Variants in ARID2 observed in about 807,000 individuals in gnomAD.
ARID2 encodes AT-rich interaction domain 2.
Under a neutral mutation model 184.6 loss-of-function variants are expected in ARID2, and 32 were observed. The observed-to-expected ratio is 0.17, with a 90% CI of 0.13 to 0.23. The LOEUF is 0.23. Among genes scored for constraint, ARID2 ranks in the 10% least tolerant of loss-of-function variants. The pLI, the probability that ARID2 is intolerant of heterozygous loss-of-function variation, is 1.00. For synonymous variants in ARID2, 836 were observed against 772.6 expected (o/e 1.08, Z -1.36); for missense variants, 1,696 against 2,197.6 (o/e 0.77, Z 4.56).
intron 4 of ARID2, among the ~76,000 whole-genome samples, chr12:45,813,159 C>T (rs1942741871): frequency 6.6e-6 from 1 of 152,032 alleles, no homozygotes; most frequent in African/African-American, 2.4e-5. Context: ...TGAACAGTTA[C>T]ATTTTATGTG....
chr12:45,774,505 C>T (rs1188459977), intron 3 of ARID2, among the ~76,000 whole-genome samples: 1 of 152,002 alleles, frequency 6.6e-6, no homozygotes, highest in Non-Finnish European at 1.5e-5. Context: ...TCTTTTTCCC[C>T]TTTATGTGTA....
intron 3 of ARID2, among the ~76,000 whole-genome samples, chr12:45,801,679 C>T (rs1942504539): frequency 6.6e-6 from 1 of 152,080 alleles, no homozygotes. Context: ...ACCCGAATTG[C>T]AGGACATTCT....
rs1943229013 is a variant in ARID2, at chr12:45,836,826, A to G, written c.858A>G (p.Val286=). ...TTAACGATATTGAAGGACAGCGGGTACTTCAGATTGCAGTGATTTTGAGAA... is the reference window on the plus strand; with the variant it reads ...TTAACGATATTGAAGGACAGCGGGTGCTTCAGATTGCAGTGATTTTGAGAA... The part of the protein sequence containing the change: ...LGINDIEGQR[V]LQIAVILRNL... Residue 286 remains valine, a synonymous_variant, in exon 8 of 21, where the codon GTA becomes GTG. Coordinates refer to ENST00000334344, the MANE Select transcript of ARID2 (RefSeq NM_152641.4). 6.2e-7 allele frequency: 1 copy of G among 1,614,160 alleles called. No homozygotes were observed. Among genetic ancestry groups the G allele is most frequent in the East Asian group, 2.2e-5 (1 of 44,870 alleles).
intron 3 of ARID2, among the ~76,000 whole-genome samples, chr12:45,766,237 G>A (rs1399817131): frequency 1.3e-5 from 2 of 150,804 alleles, no homozygotes; most frequent in African/African-American, 4.9e-5. Context: ...GCGCAATCTC[G>A]GCTCACTGCA....
At chr12:45,890,567 C>T (rs528123701) in intron 16 of ARID2, among the ~76,000 whole-genome samples, 4 of 151,940 alleles carry the variant, frequency 2.6e-5, no homozygotes, top group Non-Finnish European at 4.4e-5. Context: ...GAGAATTAAA[C>T]GAAATTCTAA....
chr12:45,883,428 G>A (rs1944135943), intron 16 of ARID2, among the ~76,000 whole-genome samples: 1 of 150,428 alleles, frequency 6.6e-6, no homozygotes, highest in South Asian at 2.1e-4. Context: ...ATTTCCTAGG[G>A]TGAGAATCTA....
chr12:45,812,457 A>C (rs1369060689), intron 4 of ARID2, among the ~76,000 whole-genome samples: 2 of 152,126 alleles, frequency 1.3e-5, no homozygotes, highest in African/African-American at 4.8e-5. Flanking sequence ...GTAATGACTG[A>C]AGAAATAGAA....
intron 3 of ARID2, among the ~76,000 whole-genome samples, chr12:45,738,110 AT>A (rs775827643): frequency 1.8e-4 from 27 of 151,976 alleles, no homozygotes; most frequent in Non-Finnish European, 2.9e-4. Context: ...ACTTTACTAT[AT>A]TCTTTCCAAA....
At chr12:45,830,762 A>G (rs1165163149) in intron 6 of ARID2, among the ~76,000 whole-genome samples, 4 of 152,174 alleles carry the variant, frequency 2.6e-5, no homozygotes, top group Admixed American at 2.0e-4. Flanking sequence ...TCAAGAAAAC[A>G]CAAATGGCTG....
Position 45,881,824 on chromosome 12 carries a change from T to C in ARID2, c.4923-9956T>C, listed in dbSNP as rs530397114. On this transcript the variant is annotated intron_variant, in intron 16 of 20. Coordinates refer to ENST00000334344, the MANE Select transcript of ARID2 (RefSeq NM_152641.4). Reference sequence around the variant, plus strand: ...GGCTCTGGGTTCCTGTGCCCCTTTTTTTCCCTCTTGTGTTTTTTGAACTTC... The same window carrying C: ...GGCTCTGGGTTCCTGTGCCCCTTTTCTTCCCTCTTGTGTTTTTTGAACTTC... 6.3e-4 allele frequency: 141 copies of C among 223,108 alleles called. 1 individual carries two copies. Among genetic ancestry groups the C allele is most frequent in the African/African-American group, 2.5e-3 (109 of 42,958 alleles). 13.8% of individuals were successfully genotyped at this position (223,108 alleles called of 1,614,324 possible). A position where few individuals can be genotyped will look rare whatever the true frequency, so the allele number is the denominator to read the frequency against.
At chr12:45,877,710 A>G (rs554277072) in intron 16 of ARID2, among the ~76,000 whole-genome samples, 3 of 152,062 alleles carry the variant, frequency 2.0e-5, no homozygotes. Context: ...CACTCATTTC[A>G]CTTATCTGTA....
At chr12:45,867,742 CAAA>C (rs1025705649) in intron 16 of ARID2, among the ~76,000 whole-genome samples, 2 of 95,630 alleles carry the variant, frequency 2.1e-5, no homozygotes, top group Non-Finnish European at 2.2e-5. Flanking sequence ...GACTCCATCT[CAAA>C]AAAAAAAAAA....
chr12:45,760,809 G>A (rs1941663112), intron 3 of ARID2, among the ~76,000 whole-genome samples: 1 of 151,300 alleles, frequency 6.6e-6, no homozygotes. Context: ...CAGCTTTGCT[G>A]GATCCTGGTT....
chr12:45,817,572 A>C, intron 4 of ARID2, 98 bp from the exon 5 acceptor site: 1 of 230,832 alleles, frequency 4.3e-6, no homozygotes. Context: ...TATATATATT[A>C]TATATATATA....
chr12:45,753,831 C>T (rs1403720479), intron 3 of ARID2, among the ~76,000 whole-genome samples: 3 of 152,044 alleles, frequency 2.0e-5, no homozygotes, highest in Admixed American at 6.6e-5. Context: ...TGGACTCAAG[C>T]GATCTGCCCT....
chr12:45,781,595 T>A (rs753980237), intron 3 of ARID2, among the ~76,000 whole-genome samples: 6 of 151,792 alleles, frequency 4.0e-5, no homozygotes, highest in Middle Eastern at 3.4e-3. Flanking sequence ...TTCTTGGAAG[T>A]ACTTTACTTG....
chr12:45,771,367 A>AT (rs1941873003), intron 3 of ARID2, among the ~76,000 whole-genome samples: 4 of 151,592 alleles, frequency 2.6e-5, no homozygotes, highest in Non-Finnish European at 5.9e-5. Context: ...AAAAAAAAAA[A>AT]AAAAAAGCAA....
intron 3 of ARID2, among the ~76,000 whole-genome samples, chr12:45,801,196 CAG>C (rs1311406375): frequency 6.6e-6 from 1 of 151,822 alleles, no homozygotes; most frequent in Non-Finnish European, 1.5e-5. Flanking sequence ...CCCGTAGTCG[CAG>C]CTACTTGGTA....
At chr12:45,752,285 A>G (rs1941478627) in intron 3 of ARID2, among the ~76,000 whole-genome samples, 3 of 152,194 alleles carry the variant, frequency 2.0e-5, no homozygotes, top group Admixed American at 6.5e-5. Flanking sequence ...AATGCTGTCT[A>G]CCATAAGCTA....
Sources: gnomAD v4.1 joint callset for allele counts (sites outside exome capture counted in the v4.1 genomes callset) on GRCh38, gnomAD v4.1.1 for gene constraint, MANE v1.5 for transcripts, NCBI Gene and HGNC (gene_info 2026-07-23, HGNC 2026-07-21) for gene names.